COL7A1: variants seen among roughly 807,000 people sequenced by gnomAD.
COL7A1 encodes collagen type VII alpha 1 chain.
A neutral mutation model predicts 456.2 loss-of-function variants in COL7A1; 296 were observed. That is an observed-to-expected ratio of 0.65 (90% CI 0.59 to 0.71). The LOEUF is 0.71. COL7A1 is among the 30% of genes least tolerant of loss of function. COL7A1 has a pLI of 0.00. For missense variants in COL7A1, 3,441 were observed against 4,017.2 expected, an observed-to-expected ratio of 0.86 and a Z score of 3.88; for synonymous variants, 1,464 against 1,525.9, an observed-to-expected ratio of 0.96 and a Z score of 0.95.
At position 48,592,612 on chromosome 3, in the gene COL7A1, C is replaced by T. The variant is rs774513456; in HGVS notation, c.934G>A (p.Ala312Thr). ...EYQVTVIALY[A>T]NSIGEAVSGT... is the part of the protein sequence containing the mutation. ...CTCACAGCCTCCCCGATGCTGTTGG[C>T]GTAGAGGGCAATCACAGTCACTTGG... The change falls in exon 8 of 119, where the codon GCC becomes ACC. Residue 312 changes from alanine (A) to threonine (T), a missense_variant. By Grantham distance (58) the Ala-to-Thr change is moderately conservative. This residue lies in a region of COL7A1 where 913 missense variants were observed against 1,088.2 expected (regional missense o/e 0.84). Transcript: ENST00000681320. This position sits in a 1 kb window ranked among gnomAD's most constrained non-coding sequence, Gnocchi z 7.6. The T allele has an allele frequency of 8.7e-6, 14 of 1,614,028 alleles. No homozygotes were observed. The highest frequency in any genetic ancestry group is 6.6e-5 in the South Asian group (6 of 91,086).
chr3:48,568,353 T>C lies in COL7A1; in HGVS notation c.7794+146A>G. The C allele has an allele frequency of 9.5e-7, 1 of 1,049,498 alleles. No individual in the cohort carries two copies. The highest frequency in any genetic ancestry group is 1.4e-5 in the South Asian group (1 of 71,526). The allele number at this position is 1,049,498 out of a possible 1,614,324, so 65.0% of individuals were successfully genotyped here. On this transcript the variant is annotated intron_variant, in intron 105 of 118. Coordinates refer to ENST00000681320, the MANE Select transcript of COL7A1 (RefSeq NM_000094.4). This position sits in a 1 kb window ranked among gnomAD's most constrained non-coding sequence, Gnocchi z 5.2. ...GGGACACCATCATAGGCGGCTACTG[T>C]GGAGGTGGGGGACCCTGGGTGACAT...
At position 48,590,219 on chromosome 3, in the gene COL7A1, G is replaced by A. The variant is rs1262422383; in HGVS notation, c.2044C>T (p.Arg682Ter). ...GACGGGGGCAGGGCCTGACCCGTTC[G>A]AGCCACGATGACTGCAGCAGGGCCC... is the stretch of plus-strand genomic sequence containing the variant. ...EEGPAAVIVA[R>*]TDPLGPVRTV... The change falls in exon 16 of 119, where the codon CGA becomes TGA. Residue 682 changes from arginine (R) to a stop codon, truncating the protein, a stop_gained. Coordinates refer to ENST00000681320, the MANE Select transcript of COL7A1 (RefSeq NM_000094.4). LOFTEE classifies it high-confidence loss of function. The surrounding 1 kb of genome is among the most constrained non-coding windows in gnomAD (Gnocchi z 4.6). 10 of 1,613,136 alleles carry A rather than the reference G, an allele frequency of 6.2e-6. No homozygotes were observed. The highest frequency in any genetic ancestry group is 1.7e-5 in the Admixed American group (1 of 59,976).
chr3:48,590,760 C>G lies in COL7A1; in HGVS notation c.1693G>C (p.Val565Leu), dbSNP rs753859648. The change falls in exon 14 of 119, where the codon GTT becomes CTT. Residue 565 changes from valine to leucine, a missense_variant. This residue lies in a region of COL7A1 where 913 missense variants were observed against 1,088.2 expected (regional missense o/e 0.84). Transcript: ENST00000681320. This position sits in a 1 kb window ranked among gnomAD's most constrained non-coding sequence, Gnocchi z 4.6. ...GSQTAFDLDD[V>L]QAGLSYTVRV... ...ACAGTGTAGCTAAGCCCAGCCTGAA[C>G]GTCATCCAAGTCGAATGCTGTCTGA... The G allele has an allele frequency of 6.2e-7, 1 of 1,614,002 alleles. No homozygotes were observed. Among genetic ancestry groups the G allele is most frequent in the Non-Finnish European group, 8.5e-7 (1 of 1,180,036 alleles).
At chr3:48,582,568 C>A (rs1458499802) in intron 45 of COL7A1, 41 bp downstream of exon 45, 9 of 1,613,764 alleles carry the variant, frequency 5.6e-6, no homozygotes, top group Non-Finnish European at 5.9e-6. Context: ...GAGGGACACA[C>A]AAAAGTCCCA....
In COL7A1 at chr3:48,573,918, C is replaced by T. The variant is rs1417195917; in HGVS notation, c.6502-28G>A. 1 of 1,612,074 alleles carries T rather than the reference C, an allele frequency of 6.2e-7. No homozygotes were observed. The highest frequency in any genetic ancestry group is 8.5e-7 in the Non-Finnish European group (1 of 1,179,680). The stretch of plus-strand genomic sequence containing the variant: ...ACATAGAGAGGGCACTGATGAGCCT[C>T]AATCTGGGCCTCACTTGGGCCTGTT... On this transcript the variant is annotated intron_variant, in intron 80 of 118. Coordinates refer to ENST00000681320, the MANE Select transcript of COL7A1 (RefSeq NM_000094.4). This position sits in a 1 kb window ranked among gnomAD's most constrained non-coding sequence, Gnocchi z 5.5.
At position 48,573,896 on chromosome 3, in the gene COL7A1, TAGAG is replaced by T; in HGVS notation, c.6502-10_6502-7del. ...CCTCTTGGACCCTGCAGACCCTACATAGAGAGGGCACTGATGAGCCTCAATCTGG... is the reference window on the plus strand; with the variant it reads ...CCTCTTGGACCCTGCAGACCCTACATAGGGCACTGATGAGCCTCAATCTGG... On this transcript the variant is annotated splice_polypyrimidine_tract_variant and splice_region_variant and intron_variant, in intron 80 of 118. Transcript: ENST00000681320. This position sits in a 1 kb window ranked among gnomAD's most constrained non-coding sequence, Gnocchi z 5.5. 2 of 1,613,204 alleles carry T rather than the reference TAGAG, an allele frequency of 1.2e-6. No homozygotes were observed.
In COL7A1 at chr3:48,581,988, T is replaced by C; in HGVS notation, c.4636-45A>G. On this transcript the variant is annotated intron_variant, in intron 47 of 118. Coordinates refer to ENST00000681320, the MANE Select transcript of COL7A1 (RefSeq NM_000094.4). This position sits in a 1 kb window ranked among gnomAD's most constrained non-coding sequence, Gnocchi z 5.8. ...ATACAGCTTGGCCCTGCCTTGGGGTTGTATGATCAAAGTCTTCATTGGAAT... is the reference window on the plus strand; with the variant it reads ...ATACAGCTTGGCCCTGCCTTGGGGTCGTATGATCAAAGTCTTCATTGGAAT... 1 of 1,613,644 alleles carries C rather than the reference T, an allele frequency of 6.2e-7. No individual in the cohort carries two copies. The highest frequency in any genetic ancestry group is 8.5e-7 in the Non-Finnish European group (1 of 1,179,744).
Position 48,580,882 on chromosome 3 carries a change from C to G in COL7A1, c.4980G>C (p.Arg1660=). Residue 1660 remains arginine, a splice_region_variant and synonymous_variant, in exon 54 of 119, where the codon CGG becomes CGC. Coordinates refer to ENST00000681320, the MANE Select transcript of COL7A1 (RefSeq NM_000094.4). The surrounding 1 kb of genome is among the most constrained non-coding windows in gnomAD (Gnocchi z 4.5). ...GTTACTTCTCTCTGCCAAGACTCACCCGAAGGCCACGCTCGCCTGCTTTTC... is the reference window on the plus strand; with the variant it reads ...GTTACTTCTCTCTGCCAAGACTCACGCGAAGGCCACGCTCGCCTGCTTTTC... ...LPGKAGERGL[R]GAPGVRGPVG... 5 of 1,614,106 alleles carry G rather than the reference C, an allele frequency of 3.1e-6. No homozygotes were observed. The highest frequency in any genetic ancestry group is 4.2e-6 in the Non-Finnish European group (5 of 1,180,038).
Position 48,593,131 on chromosome 3 carries a change from G to A in COL7A1, c.653C>T (p.Thr218Ile), listed in dbSNP as rs202113569. The change falls in exon 6 of 119, where the codon ACT (threonine) becomes ATT (isoleucine). Residue 218 changes from threonine to isoleucine, a missense_variant. Coordinates refer to ENST00000681320, the MANE Select transcript of COL7A1 (RefSeq NM_000094.4). This position sits in a 1 kb window ranked among gnomAD's most constrained non-coding sequence, Gnocchi z 4.4. The stretch of plus-strand genomic sequence containing the variant: ...TCGGGTCACAGGCACGCCACCAGCA[G>A]TCGTGCACACTCTCCGGGAAACGAG... Reference protein sequence around the residue: ...LPLVSRRVCTTAGGVPVTRPP... With the variant: ...LPLVSRRVCTIAGGVPVTRPP... 85 of 1,613,996 alleles carry A rather than the reference G, an allele frequency of 5.3e-5. No homozygotes were observed. The highest frequency in any genetic ancestry group is 6.3e-5 in the Non-Finnish European group (74 of 1,180,028).
Position 48,572,827 on chromosome 3 carries a change from ACCACAC to A in COL7A1, c.6831+29_6831+34del. On this transcript the variant is annotated intron_variant, in intron 87 of 118. Transcript: ENST00000681320. This position sits in a 1 kb window ranked among gnomAD's most constrained non-coding sequence, Gnocchi z 4.6. ...TCATATTTCAGGCCCACAGCTGGGCACCACACCCTAGCGAGCTGCCCCCAGAACACA... is the reference window on the plus strand; with the variant it reads ...TCATATTTCAGGCCCACAGCTGGGCACCTAGCGAGCTGCCCCCAGAACACA... 1.9e-6 allele frequency: 3 copies of A among 1,613,644 alleles called. No homozygotes were observed. Among genetic ancestry groups the A allele is most frequent in the Non-Finnish European group, 2.5e-6 (3 of 1,179,696 alleles).
Position 48,583,835 on chromosome 3 carries a change from C to T in COL7A1, c.4279-55G>A, listed in dbSNP as rs2044980923. The T allele has an allele frequency of 1.9e-6, 3 of 1,613,552 alleles. No individual in the cohort carries two copies. The highest frequency in any genetic ancestry group is 3.3e-5 in the Admixed American group (2 of 60,010). On this transcript the variant is annotated intron_variant, in intron 39 of 118. Coordinates refer to ENST00000681320, the MANE Select transcript of COL7A1 (RefSeq NM_000094.4). The surrounding 1 kb of genome is among the most constrained non-coding windows in gnomAD (Gnocchi z 5.1). The stretch of plus-strand genomic sequence containing the variant: ...AAGAACTATGAAGCCCAGCACCCAA[C>T]CACTGCCCCAGGAGAGACCCACACC...
chr3:48,592,523 G>A lies in COL7A1; in HGVS notation c.976+47C>T, dbSNP rs763793958. ...AGTCAGAAGTGGGAGGGGGTACTGG[G>A]GTCGGGGGTTAGGTGAATGGGGTCA... On this transcript the variant is annotated intron_variant, in intron 8 of 118. Transcript: ENST00000681320. The surrounding 1 kb of genome is among the most constrained non-coding windows in gnomAD (Gnocchi z 7.6). The A allele has an allele frequency of 6.2e-7, 1 of 1,613,584 alleles. No individual in the cohort carries two copies. The highest frequency in any genetic ancestry group is 1.1e-5 in the South Asian group (1 of 91,074).
Position 48,589,007 on chromosome 3 carries a change from G to A in COL7A1, c.2315-12C>T. 1 of 1,613,294 alleles carries A rather than the reference G, an allele frequency of 6.2e-7. No individual in the cohort carries two copies. Among genetic ancestry groups the A allele is most frequent in the Admixed American group, 1.7e-5 (1 of 60,030 alleles). On this transcript the variant is annotated splice_polypyrimidine_tract_variant and intron_variant, in intron 18 of 118. Transcript: ENST00000681320. ...CACAGGCTCAGGGGCTGGGGACAGA[G>A]GCAAGGTAAGGGGTCCTGGTAGAGA...
rs1469749398 is a variant in COL7A1 at position 48,594,248 on chromosome 3, G to A, written c.266+120C>T. 1.6e-6 allele frequency: 2 copies of A among 1,213,580 alleles called. No homozygotes were observed. Among genetic ancestry groups the A allele is most frequent in the African/African-American group, 1.5e-5 (1 of 66,810 alleles). The allele number at this position is 1,213,580 out of a possible 1,614,324, so 75.2% of individuals were successfully genotyped here. ...GGAGGTCCTGGCTAGGGGGTCTCTA[G>A]GTTCCCCAAAACTTGTTTCTGCAAA... On this transcript the variant is annotated intron_variant, in intron 3 of 118. Transcript: ENST00000681320. This position sits in a 1 kb window ranked among gnomAD's most constrained non-coding sequence, Gnocchi z 5.5.
chr3:48,573,629 T>C lies in COL7A1; in HGVS notation c.6573+61A>G. Reference sequence around the variant, plus strand: ...CAGAGAAGGCCTGGCTCATCAGCTGTGGCCAATGCCTATCCCAGCCCTTCC... The same window carrying C: ...CAGAGAAGGCCTGGCTCATCAGCTGCGGCCAATGCCTATCCCAGCCCTTCC... On this transcript the variant is annotated intron_variant, in intron 82 of 118. Transcript: ENST00000681320. This position sits in a 1 kb window ranked among gnomAD's most constrained non-coding sequence, Gnocchi z 5.5. 1.2e-6 allele frequency: 2 copies of C among 1,613,256 alleles called. No individual in the cohort carries two copies. Among genetic ancestry groups the C allele is most frequent in the Non-Finnish European group, 1.7e-6 (2 of 1,179,478 alleles).
chr3:48,586,876 C>T lies in COL7A1; in HGVS notation c.3276+96G>A, dbSNP rs2045303018. Reference sequence around the variant, plus strand: ...AGCCTGTGAGAGAGCTGGGAGAATGCCTGAACCTATTGGGTGGTCAGGAGA... The same window carrying T: ...AGCCTGTGAGAGAGCTGGGAGAATGTCTGAACCTATTGGGTGGTCAGGAGA... On this transcript the variant is annotated intron_variant, in intron 25 of 118. Transcript: ENST00000681320. The surrounding 1 kb of genome is among the most constrained non-coding windows in gnomAD (Gnocchi z 5.1). 6.5e-7 allele frequency: 1 copy of T among 1,541,552 alleles called. No individual in the cohort carries two copies. The highest frequency in any genetic ancestry group is 8.8e-7 in the Non-Finnish European group (1 of 1,139,722).
At position 48,568,177 on chromosome 3, in the gene COL7A1, G is replaced by A; in HGVS notation, c.7795-7C>T. ...CATCCTTTCCTGGGGATCCCTAGCA[G>A]GGAGAGGGTCCATGTGAGGTCAGAG... On this transcript the variant is annotated splice_polypyrimidine_tract_variant and splice_region_variant and intron_variant, in intron 105 of 118. Transcript: ENST00000681320. This position sits in a 1 kb window ranked among gnomAD's most constrained non-coding sequence, Gnocchi z 5.2. 1 of 1,612,610 alleles carries A rather than the reference G, an allele frequency of 6.2e-7. No homozygotes were observed. Among genetic ancestry groups the A allele is most frequent in the Non-Finnish European group, 8.5e-7 (1 of 1,179,990 alleles).
intron 68 of COL7A1, 49 bp downstream of exon 68, chr3:48,576,627 A>G (rs369941790): frequency 2.4e-4 from 376 of 1,591,428 alleles, no homozygotes; most frequent in Non-Finnish European, 3.0e-4. Flanking sequence ...CCATTGAAAC[A>G]TCATGGCTTC....
In COL7A1 at chr3:48,570,801, G is replaced by T; in HGVS notation, c.7272+60C>A. 6.4e-7 allele frequency: 1 copy of T among 1,563,758 alleles called. No homozygotes were observed. The highest frequency in any genetic ancestry group is 8.7e-7 in the Non-Finnish European group (1 of 1,153,548). On this transcript the variant is annotated intron_variant, in intron 95 of 118. Transcript: ENST00000681320. This position sits in a 1 kb window ranked among gnomAD's most constrained non-coding sequence, Gnocchi z 5.5. ...CAAGACTGGGAACCCCCAAGGCAGG[G>T]CCCCCTCCTCACCCACCATGGATTC...
Sources: gnomAD v4.1 joint callset for allele counts on GRCh38, gnomAD v4.1.1 for gene constraint, gnomAD v4.1.1 regional missense constraint, Gnocchi (gnomAD v3.1) non-coding constraint, MANE v1.5 for transcripts, NCBI Gene and HGNC (gene_info 2026-07-23, HGNC 2026-07-21) for gene names.